The following RNF38 variants were observed in gnomAD, a reference collection of about 807,000 sequenced individuals.
The protein encoded by RNF38 is E3 ubiquitin-protein ligase RNF38.
In RNF38, 15 loss-of-function variants were observed where a neutral mutation model predicts 67.2. The ratio of observed to expected loss-of-function variants is 0.22; its 90% confidence interval spans 0.15 to 0.34. The LOEUF (loss-of-function observed/expected upper bound fraction) is 0.34, where lower values mean the gene tolerates loss of function less well. Among genes scored for constraint, RNF38 ranks in the 10% least tolerant of loss-of-function variants. The probability of loss-of-function intolerance (pLI) is 1.00; values close to 1 mark genes in which losing one functional copy is unlikely to be tolerated. For missense variants in RNF38, 524 were observed against 639.9 expected (o/e 0.82, Z 1.95); for synonymous variants, 220 against 218.8 (o/e 1.01, Z -0.05).
intron 1 of RNF38, among the ~76,000 whole-genome samples, chr9:36,425,597 G>A (rs1233344185): frequency 6.6e-6 from 1 of 152,082 alleles, no homozygotes; most frequent in African/African-American, 2.4e-5. Context: ...GGGAGGCTGA[G>A]GAAGGAGAAT....
intron 1 of RNF38, among the ~76,000 whole-genome samples, chr9:36,472,049 ATT>A (rs907398707): frequency 6.6e-6 from 1 of 152,206 alleles, no homozygotes; most frequent in Non-Finnish European, 1.5e-5. Context: ...TAAAATAACA[ATT>A]TGTTTTCAAC....
intron 1 of RNF38, among the ~76,000 whole-genome samples, chr9:36,484,552 A>AT (rs922497955): frequency 1.6e-4 from 24 of 152,074 alleles, no homozygotes; most frequent in Non-Finnish European, 2.6e-4. Flanking sequence ...CCTGATTCAG[A>AT]TTTTTTTTAA....
chr9:36,407,364 A>G (rs1182363466), intron 2 of RNF38, among the ~76,000 whole-genome samples: 3 of 152,166 alleles, frequency 2.0e-5, no homozygotes, highest in Non-Finnish European at 4.4e-5. Flanking sequence ...GGACTGAACC[A>G]TGGTAGCTGG....
intron 9 of RNF38, among the ~76,000 whole-genome samples, chr9:36,350,480 G>A (rs957052991): frequency 5.9e-5 from 9 of 152,260 alleles, no homozygotes; most frequent in East Asian, 5.8e-4. Context: ...ATCAACTGCC[G>A]ATTTTCTCCC....
chr9:36,364,305 A>G (rs1834782054), intron 4 of RNF38, among the ~76,000 whole-genome samples: 1 of 152,166 alleles, frequency 6.6e-6, no homozygotes, highest in Admixed American at 6.5e-5. Context: ...TCTAGCTTAC[A>G]TTATAAGAAT....
At chr9:36,479,180 G>T (rs1587217074) in intron 1 of RNF38, among the ~76,000 whole-genome samples, 1 of 152,094 alleles carries the variant, frequency 6.6e-6, no homozygotes, top group African/African-American at 2.4e-5. Flanking sequence ...CAAGTACTTG[G>T]ATACCATCTT....
chr9:36,452,003 G>C (rs998423277), intron 1 of RNF38, among the ~76,000 whole-genome samples: 1 of 152,056 alleles, frequency 6.6e-6, no homozygotes, highest in African/African-American at 2.4e-5. Context: ...GATCACTTGA[G>C]CTCAGGAGTT....
chr9:36,344,702 C>A, intron 10 of RNF38, 130 bp downstream of exon 10: 1 of 798,386 alleles, frequency 1.3e-6, no homozygotes, highest in South Asian at 1.9e-5. Context: ...TCAAAGTTAT[C>A]TCTGACTCCT....
upstream of RNF38, chr9:36,401,098 C>T (rs958184825): frequency 3.0e-6 from 3 of 985,170 alleles, no homozygotes; most frequent in Non-Finnish European, 3.6e-6. Context: ...CAGCACAAAC[C>T]TAGCGAGCCC....
intron 2 of RNF38, among the ~76,000 whole-genome samples, chr9:36,420,294 A>G (rs1838587138): frequency 6.6e-6 from 1 of 151,984 alleles, no homozygotes; most frequent in African/African-American, 2.4e-5. Flanking sequence ...GCACTTTGGG[A>G]GGCCGAGGCG....
At chr9:36,400,867 AC>A (rs1406315265), upstream of RNF38, 2 of 971,692 alleles carry the variant, frequency 2.1e-6, no homozygotes, top group Non-Finnish European at 2.4e-6. Context: ...GTCCCGCAAC[AC>A]CGCACTAGGG....
At chr9:36,367,927 C>A (rs191913276) in intron 4 of RNF38, among the ~76,000 whole-genome samples, 269 of 152,350 alleles carry the variant, frequency 1.8e-3, no homozygotes, top group African/African-American at 6.2e-3. Context: ...GCTTGGCTCA[C>A]TGCAACCTCC....
intron 3 of RNF38, chr9:36,372,363 T>C (rs147375627): frequency 1.3e-4 from 72 of 565,342 alleles, no homozygotes; most frequent in Non-Finnish European, 2.0e-4. Flanking sequence ...GCTTGTTCTA[T>C]TGTTTCTTGA....
chr9:36,413,186 C>T (rs1838372803), intron 2 of RNF38, among the ~76,000 whole-genome samples: 1 of 151,144 alleles, frequency 6.6e-6, no homozygotes, highest in African/African-American at 2.4e-5. Flanking sequence ...GCCAAGAATG[C>T]GCCATTGCAC....
chr9:36,461,504 G>A (rs1839733259), intron 1 of RNF38, among the ~76,000 whole-genome samples: 1 of 152,170 alleles, frequency 6.6e-6, no homozygotes, highest in Non-Finnish European at 1.5e-5. Flanking sequence ...AGTGCAATGG[G>A]ATGCCACTGA....
At chr9:36,361,446 A>G (rs1164367043) in intron 4 of RNF38, among the ~76,000 whole-genome samples, 1 of 151,434 alleles carries the variant, frequency 6.6e-6, no homozygotes, top group Non-Finnish European at 1.5e-5. Context: ...TATAGACGTG[A>G]GCCACCACGT....
intron 2 of RNF38, 55 bp downstream of exon 2, chr9:36,390,412 C>T: frequency 6.8e-7 from 1 of 1,471,692 alleles, no homozygotes; most frequent in Non-Finnish European, 9.1e-7. Context: ...TTCCTAGAAA[C>T]ACTGTAGAAT....
At chr9:36,437,829 GGAA>G (rs780477209) in intron 1 of RNF38, among the ~76,000 whole-genome samples, 4 of 152,194 alleles carry the variant, frequency 2.6e-5, no homozygotes, top group African/African-American at 4.8e-5. Flanking sequence ...TAAAAGAGGA[GGAA>G]GAAGAATGAT....
intron 8 of RNF38, among the ~76,000 whole-genome samples, chr9:36,352,089 CAGG>C (rs1833734823): frequency 6.6e-6 from 1 of 152,158 alleles, no homozygotes; most frequent in Non-Finnish European, 1.5e-5. Flanking sequence ...CACCTGAGGT[CAGG>C]AGTTCGTGAG....
Sources: allele counts gnomAD v4.1 joint callset (sites outside exome capture counted in the v4.1 genomes callset), GRCh38; gene constraint gnomAD v4.1.1; transcripts MANE v1.5; gene names NCBI Gene and HGNC (gene_info 2026-07-23, HGNC 2026-07-21).